Variants in GAS6 observed in about 807,000 individuals in gnomAD.
GAS6 encodes the protein growth arrest specific 6.
In GAS6, 41 loss-of-function variants were observed where a neutral mutation model predicts 75.8. The observed-to-expected ratio is 0.54, with a 90% confidence interval of 0.42 to 0.70. The LOEUF is 0.70. Among genes scored for constraint, GAS6 ranks in the 30% least tolerant of loss-of-function variants. The pLI is 0.00. For missense variants in GAS6, 854 were observed against 940.2 expected (o/e 0.91, Z 1.20); for synonymous variants, 432 against 412.6 (o/e 1.05, Z -0.57).
At chr13:113,839,900 C>T (rs925959594) in intron 4 of GAS6, 50 bp from the exon 5 acceptor site, 13 of 1,611,582 alleles carry the variant, frequency 8.1e-6, no homozygotes, top group East Asian at 6.7e-5. Flanking sequence ...CCCACCCCTG[C>T]GCGCCCAACG....
intron 4 of GAS6, chr13:113,840,235 T>A: frequency 4.5e-6 from 1 of 223,768 alleles, no homozygotes; most frequent in Non-Finnish European, 8.7e-6. Context: ...CGGAACATTC[T>A]GCCTTCCCTG....
chr13:113,821,073 C>T, intron 14 of GAS6, 55 bp from the exon 15 acceptor site: 4 of 1,582,954 alleles, frequency 2.5e-6, no homozygotes, highest in Non-Finnish European at 3.5e-6. Flanking sequence ...CCGGCCCCGC[C>T]TGGCCCCCCC....
In GAS6 at chr13:113,844,926, T is replaced by A. The variant is rs2051822169; in HGVS notation, c.343+1601A>T. The A allele has an allele frequency of 6.6e-6, 1 of 150,778 alleles. No individual in the cohort carries two copies. Among genetic ancestry groups the A allele is most frequent in the Non-Finnish European group, 1.5e-5 (1 of 68,022 alleles). 9.3% of individuals were successfully genotyped at this position (150,778 alleles called of 1,614,324 possible). A position where few individuals can be genotyped will look rare whatever the true frequency, so the allele number is the denominator to read the frequency against. On this transcript the variant is annotated intron_variant, in intron 4 of 14. Transcript: ENST00000327773. The surrounding 1 kb of genome is among the most constrained non-coding windows in gnomAD (Gnocchi z 5.7). ...AAACACCTAACAGCAGGTAACTGTTTTGTAATCTTGGGGAGAAGCCTAAAG... is the reference window on the plus strand; with the variant it reads ...AAACACCTAACAGCAGGTAACTGTTATGTAATCTTGGGGAGAAGCCTAAAG...
chr13:113,825,285 C>A (rs1452810416), intron 12 of GAS6, among the ~76,000 whole-genome samples: 1 of 147,032 alleles, frequency 6.8e-6, no homozygotes, highest in Non-Finnish European at 1.5e-5. Flanking sequence ...AGGCTAGGCA[C>A]ATGTTGGCCA....
chr13:113,858,888 T>C (rs1223350734), intron 2 of GAS6, among the ~76,000 whole-genome samples: 1 of 151,638 alleles, frequency 6.6e-6, no homozygotes, highest in African/African-American at 2.4e-5. Context: ...TATGTAAGTC[T>C]ATGTGAATGT....
intron 3 of GAS6, chr13:113,846,872 G>A (rs979105171): frequency 6.0e-6 from 3 of 499,314 alleles, no homozygotes; most frequent in Non-Finnish European, 1.1e-5. Context: ...CCATACGGGA[G>A]AATCACCGGG....
intron 2 of GAS6, among the ~76,000 whole-genome samples, chr13:113,859,239 T>C (rs1049416688): frequency 9.9e-5 from 15 of 151,648 alleles, no homozygotes; most frequent in African/African-American, 3.4e-4. Flanking sequence ...TGTCTGTGTG[T>C]GCCTATGTAT....
rs543116661 is a variant in GAS6 at position 113,830,162 on chromosome 13, A to AAAAC, written c.1144-1455_1144-1452dup. Among the ~76,000 whole-genome samples the AAAAC allele has an allele frequency of 3.9e-3, 597 of 152,360 alleles. 3 individuals are homozygous for AAAAC. Among genetic ancestry groups the AAAAC allele is most frequent in the Non-Finnish European group, 6.4e-3 (433 of 68,028 alleles). On this transcript the variant is annotated intron_variant, in intron 10 of 14. Transcript: ENST00000327773. ...AGAAGAATATCCTTCTTCCTGTGTGAAAACACCTTTCAGGTATTTGGGTTT... is the reference window on the plus strand; with the variant it reads ...AGAAGAATATCCTTCTTCCTGTGTGAAAACAAACACCTTTCAGGTATTTGGGTTT...
chr13:113,850,334 G>A (rs750676389), intron 2 of GAS6, among the ~76,000 whole-genome samples: 1 of 152,068 alleles, frequency 6.6e-6, no homozygotes, highest in African/African-American at 2.4e-5. Context: ...TCAGGAGGCC[G>A]GAATTTAGAA....
In GAS6 at chr13:113,828,709, G is replaced by T. The variant is rs1215484498; in HGVS notation, c.1146C>A (p.Ile382=). 2.5e-6 allele frequency: 4 copies of T among 1,612,896 alleles called. No individual in the cohort carries two copies. Among genetic ancestry groups the T allele is most frequent in the Non-Finnish European group, 3.4e-6 (4 of 1,179,728 alleles). Reference sequence around the variant, plus strand: ...GATTCCGCGCCAGCTCCTCAACAGAGATCTGAAGAGAGGCAGCGCCATGAG... The same window carrying T: ...GATTCCGCGCCAGCTCCTCAACAGATATCTGAAGAGAGGCAGCGCCATGAG... The part of the protein sequence containing the change: ...PVINHGMWQT[I]SVEELARNLV... The change falls in exon 11 of 15, where the codon ATC becomes ATA. Residue 382 remains isoleucine, a splice_region_variant and synonymous_variant. Transcript: ENST00000327773.
intron 3 of GAS6, chr13:113,847,712 T>C (rs1202365548): frequency 2.5e-6 from 1 of 405,082 alleles, no homozygotes; most frequent in East Asian, 5.7e-5. Context: ...TGATTAGTGC[T>C]GAGGTCAGAA....
At position 113,848,047 on chromosome 13, in the gene GAS6, A is replaced by G. The variant is rs775527595; in HGVS notation, c.259T>C (p.Tyr87His). 1.9e-6 allele frequency: 3 copies of G among 1,613,172 alleles called. No homozygotes were observed. The highest frequency in any genetic ancestry group is 2.5e-6 in the Non-Finnish European group (3 of 1,179,724). Residue 87 changes from tyrosine to histidine, a missense_variant, in exon 3 of 15, where the codon TAT becomes CAT. Transcript: ENST00000327773. The surrounding 1 kb of genome is among the most constrained non-coding windows in gnomAD (Gnocchi z 4.8). Reference sequence around the variant, plus strand: ...TTACCTAAGTATCTTGGGTAAAAATAATCCTGTGGAAAAAGAAAAAGAAAA... The same window carrying G: ...TTACCTAAGTATCTTGGGTAAAAATGATCCTGTGGAAAAAGAAAAAGAAAA... ...EVFENDPETD[Y>H]FYPRYLDCIN...
In GAS6 at chr13:113,820,924, C is replaced by T. The variant is rs754684052; in HGVS notation, c.1977G>A (p.Ala659=). 6.8e-6 allele frequency: 11 copies of T among 1,612,272 alleles called. No homozygotes were observed. The highest frequency in any genetic ancestry group is 2.2e-5 in the South Asian group (2 of 91,076). ...NRRLLDLDEA[A]YKHSDITAHS... ...GGGCCGTGATGTCGCTGTGCTTGTA[C>T]GCCGCCTCGTCCAGGTCCAGCAGCC... Residue 659 remains alanine (A), a synonymous_variant, in exon 15 of 15, where the codon GCG becomes GCA. Transcript: ENST00000327773.
chr13:113,828,360 G>A (rs1391663889), intron 11 of GAS6, among the ~76,000 whole-genome samples, 187 bp downstream of exon 11: 1 of 152,196 alleles, frequency 6.6e-6, no homozygotes, highest in Non-Finnish European at 1.5e-5. Context: ...CATAAAAAGA[G>A]ATGGTAAAAT....
intron 8 of GAS6, chr13:113,833,716 A>G (rs959146614): frequency 2.0e-5 from 20 of 1,005,762 alleles, no homozygotes; most frequent in Admixed American, 6.2e-5. Context: ...GTGGTGTGAC[A>G]GGCACCGGTG....
At position 113,844,770 on chromosome 13, in the gene GAS6, G is replaced by T. The variant is rs1237247082; in HGVS notation, c.343+1757C>A. ...AATCTCCCAAATACCCAGCATATGA[G>T]GACGGCAGCAGGTGAGGCACTGGGG... On this transcript the variant is annotated intron_variant, in intron 4 of 14. Transcript: ENST00000327773. The surrounding 1 kb of genome is among the most constrained non-coding windows in gnomAD (Gnocchi z 5.7). 5 of 150,610 alleles carry T rather than the reference G, an allele frequency of 3.3e-5. No homozygotes were observed. Among genetic ancestry groups the T allele is most frequent in the Admixed American group, 3.3e-4 (5 of 15,220 alleles). The allele number at this position is 150,610 out of a possible 1,614,324, so 9.3% of individuals were successfully genotyped here. A position where few individuals can be genotyped will look rare whatever the true frequency, so the allele number is the denominator to read the frequency against.
At chr13:113,850,794 G>A (rs2051867022) in intron 2 of GAS6, among the ~76,000 whole-genome samples, 1 of 150,874 alleles carries the variant, frequency 6.6e-6, no homozygotes, top group African/African-American at 2.4e-5. Context: ...GGATGGATGA[G>A]TGAATGGATG....
rs190510576 is a variant in GAS6 at position 113,826,947 on chromosome 13, G to A, written c.1477+49C>T. On this transcript the variant is annotated intron_variant, in intron 12 of 14. Transcript: ENST00000327773. ...GTCTGCTTGCTTTCAGCGTATGCCT[G>A]TCTGAAGGTGCAGCCACAGCCACCC... The A allele has an allele frequency of 5.2e-6, 8 of 1,527,726 alleles. No homozygotes were observed. The Admixed American group carries it at 7.5e-5, about 14-fold the overall frequency. 94.6% of individuals were successfully genotyped at this position (1,527,726 alleles called of 1,614,324 possible).
intron 2 of GAS6, among the ~76,000 whole-genome samples, chr13:113,850,271 C>A (rs1180477486): frequency 6.6e-6 from 1 of 152,112 alleles, no homozygotes; most frequent in Non-Finnish European, 1.5e-5. Flanking sequence ...CCTGCATTAG[C>A]CATATCTCCA....
Sources: allele counts gnomAD v4.1 joint callset (sites outside exome capture counted in the v4.1 genomes callset), GRCh38; gene constraint gnomAD v4.1.1; non-coding constraint Gnocchi (gnomAD v3.1); transcripts MANE v1.5; gene names NCBI Gene and HGNC (gene_info 2026-07-23, HGNC 2026-07-21).